The following TRIQK variants were observed in gnomAD, a reference collection of about 807,000 sequenced individuals.
The protein encoded by TRIQK is triple QxxK/R motif containing, also known as triple QxxK/R motif-containing protein.
A neutral mutation model predicts 10.8 loss-of-function variants in TRIQK; 10 were observed. That is an observed-to-expected ratio of 0.92 (90% CI 0.57 to 1.57). TRIQK has a LOEUF of 1.57. TRIQK is among the 40% of genes most tolerant of loss of function. The pLI is 0.00. For missense variants in TRIQK, 107 were observed against 97.7 expected, an observed-to-expected ratio of 1.09 and a Z score of -0.40; for synonymous variants, 33 against 33.7, an observed-to-expected ratio of 0.98 and a Z score of 0.07.
upstream of TRIQK, among the ~76,000 whole-genome samples, chr8:92,968,326 A>G (rs922783931): frequency 2.6e-5 from 4 of 152,154 alleles, no homozygotes; most frequent in Admixed American, 6.5e-5. Context: ...CAGTAATGGA[A>G]TTCCTGGGTC....
In TRIQK at chr8:92,995,951, A is replaced by G. The variant is rs144084754; in HGVS notation, c.-181+21658T>C. ...GAATTCTAAGAATAATAGAATAGAT[A>G]TAATTGGCTTCTTGTGAGAAAGTGA... On this transcript the variant is annotated intron_variant, in intron 1 of 4. Coordinates refer to the TRIQK transcript ENST00000520686. Among the ~76,000 whole-genome samples, 781 of 152,216 alleles carry G rather than the reference A, an allele frequency of 5.1e-3. 3 individuals are homozygous for G. The highest frequency in any genetic ancestry group is 6.6e-3 in the Non-Finnish European group (448 of 67,928).
chr8:92,964,789 T>C (rs1024163246), intron 1 of TRIQK: 1 of 152,140 alleles, frequency 6.6e-6, no homozygotes, highest in African/African-American at 2.4e-5. Flanking sequence ...CCTCCTTTTT[T>C]AGGAAGGAAG....
intron 2 of TRIQK, among the ~76,000 whole-genome samples, chr8:92,952,880 C>T (rs989760355): frequency 2.0e-5 from 3 of 152,014 alleles, no homozygotes; most frequent in African/African-American, 7.2e-5. Context: ...ACTCCCTTCC[C>T]ACTGCTGCAG....
chr8:92,934,812 AAT>A (rs1221821524), intron 2 of TRIQK, among the ~76,000 whole-genome samples: 1 of 151,914 alleles, frequency 6.6e-6, no homozygotes, highest in African/African-American at 2.4e-5. Context: ...AGAGAAATAC[AAT>A]AAAGATTTTT....
chr8:92,904,867 G>T (rs1809166544), intron 3 of TRIQK, among the ~76,000 whole-genome samples: 1 of 152,108 alleles, frequency 6.6e-6, no homozygotes, highest in Non-Finnish European at 1.5e-5. Context: ...AAAGAGGTTT[G>T]CTACCTAAGT....
chr8:93,009,865 A>G (rs1405774962), intron 1 of TRIQK, among the ~76,000 whole-genome samples: 3 of 152,280 alleles, frequency 2.0e-5, no homozygotes, highest in Non-Finnish European at 4.4e-5. Context: ...TATAGCTAAA[A>G]TATGGAATCA....
At chr8:92,998,994 G>C (rs910388099) in intron 1 of TRIQK, among the ~76,000 whole-genome samples, 14 of 152,110 alleles carry the variant, frequency 9.2e-5, no homozygotes, top group African/African-American at 3.1e-4. Flanking sequence ...AGGACTATCA[G>C]ATTCTAAGTT....
intron 3 of TRIQK, among the ~76,000 whole-genome samples, chr8:92,894,398 T>TA (rs1816912976): frequency 6.6e-6 from 1 of 151,668 alleles, no homozygotes; most frequent in Non-Finnish European, 1.5e-5. Context: ...CACATGATTG[T>TA]AAAAAATATA....
upstream of TRIQK, among the ~76,000 whole-genome samples, chr8:92,968,306 G>T (rs1389722914): frequency 7.2e-5 from 11 of 151,988 alleles, no homozygotes; most frequent in Admixed American, 2.0e-4. Context: ...TAATCCTTTG[G>T]GCATATACCC....
At chr8:92,896,766 G>A (rs1206135444) in intron 3 of TRIQK, among the ~76,000 whole-genome samples, 1 of 150,972 alleles carries the variant, frequency 6.6e-6, no homozygotes, top group African/African-American at 2.4e-5. Context: ...TCTCCCTTTT[G>A]GAATGGGAAT....
intron 4 of TRIQK, among the ~76,000 whole-genome samples, chr8:92,889,638 T>C (rs1443475768): frequency 6.6e-6 from 1 of 151,624 alleles, no homozygotes; most frequent in Non-Finnish European, 1.5e-5. Context: ...AATGGCTAAT[T>C]CAAACAAATG....
At chr8:92,919,996 C>T (rs569243075) in intron 2 of TRIQK, among the ~76,000 whole-genome samples, 1 of 151,544 alleles carries the variant, frequency 6.6e-6, no homozygotes, top group East Asian at 1.9e-4. Context: ...TTTTTTGTTT[C>T]CCATTTTATT....
intron 2 of TRIQK, among the ~76,000 whole-genome samples, chr8:92,925,662 C>T (rs923665193): frequency 2.0e-5 from 3 of 151,980 alleles, no homozygotes; most frequent in African/African-American, 7.2e-5. Flanking sequence ...CAGCAAAGTG[C>T]AAATTAAAAT....
At chr8:92,965,681 C>G (rs1019848264) in intron 1 of TRIQK, 4 of 152,464 alleles carry the variant, frequency 2.6e-5, no homozygotes, top group Non-Finnish European at 5.9e-5. Flanking sequence ...GACACGCTGG[C>G]AGGGCGGGAA....
At chr8:92,983,710 G>A (rs1392355013) in intron 1 of TRIQK, among the ~76,000 whole-genome samples, 2 of 152,016 alleles carry the variant, frequency 1.3e-5, no homozygotes, top group African/African-American at 4.8e-5. Context: ...TGTTTAAGGT[G>A]GAAAGAAATT....
At chr8:93,014,420 T>C (rs570838254) in intron 1 of TRIQK, among the ~76,000 whole-genome samples, 1 of 152,188 alleles carries the variant, frequency 6.6e-6, no homozygotes, top group South Asian at 2.1e-4. Flanking sequence ...AGGAAAAAAG[T>C]CTTAACATTT....
Position 92,886,506 on chromosome 8 carries a change from A to C in TRIQK, c.*116T>G. 3.1e-6 allele frequency: 2 copies of C among 643,204 alleles called. No homozygotes were observed. The highest frequency in any genetic ancestry group is 5.2e-6 in the Non-Finnish European group (2 of 385,826). 39.8% of individuals were successfully genotyped at this position (643,204 alleles called of 1,614,324 possible). A position where few individuals can be genotyped will look rare whatever the true frequency, so the allele number is the denominator to read the frequency against. Reference sequence around the variant, plus strand: ...AACTATCAAAAATCATATGTCTGCAAACTGAAAATATTAGCAGAAAGAATT... The same window carrying C: ...AACTATCAAAAATCATATGTCTGCACACTGAAAATATTAGCAGAAAGAATT... On this transcript the variant is annotated 3_prime_UTR_variant, in exon 5 of 5. Transcript: ENST00000521988.
intron 3 of TRIQK, among the ~76,000 whole-genome samples, chr8:92,896,007 A>T (rs1808575296): frequency 6.6e-6 from 1 of 152,186 alleles, no homozygotes; most frequent in African/African-American, 2.4e-5. Context: ...AGAGAAGGGG[A>T]CCAGGTGCTA....
At chr8:92,993,953 A>G (rs552918984) in intron 1 of TRIQK, among the ~76,000 whole-genome samples, 4 of 152,168 alleles carry the variant, frequency 2.6e-5, no homozygotes, top group African/African-American at 9.6e-5. Context: ...GTTTCCACCT[A>G]CTCCTCTTGA....
Sources: gnomAD v4.1 joint callset for allele counts (sites outside exome capture counted in the v4.1 genomes callset) on GRCh38, gnomAD v4.1.1 for gene constraint, MANE v1.5 for transcripts, NCBI Gene and HGNC (gene_info 2026-07-23, HGNC 2026-07-21) for gene names.